Variants in FKBP5 observed in about 807,000 individuals in gnomAD.
The protein encoded by FKBP5 is FKBP prolyl isomerase 5.
Under a neutral mutation model 50.5 loss-of-function variants are expected in FKBP5, and 23 were observed. The ratio of observed to expected loss-of-function variants is 0.46; its 90% CI spans 0.33 to 0.65. The LOEUF (loss-of-function observed/expected upper bound fraction) is 0.65. Among genes scored for constraint, FKBP5 ranks in the 30% least tolerant of loss-of-function variants. The probability of loss-of-function intolerance (pLI) is 0.02; values close to 1 mark genes in which losing one functional copy is unlikely to be tolerated. For synonymous variants in FKBP5, 176 were observed against 190.6 expected, an observed-to-expected ratio of 0.92 and a Z score of 0.63; for missense variants, 411 against 553.1, an observed-to-expected ratio of 0.74 and a Z score of 2.58.
At chr6:35,583,271 G>A in intron 8 of FKBP5, 7 of 985,286 alleles carry the variant, frequency 7.1e-6, no homozygotes, top group Non-Finnish European at 8.4e-6. Context: ...TAACTTTTCT[G>A]ATTATCTCCT....
intron 8 of FKBP5, 70 bp downstream of exon 8, chr6:35,586,964 T>C: frequency 6.2e-7 from 1 of 1,610,426 alleles, no homozygotes; most frequent in Non-Finnish European, 8.5e-7. Flanking sequence ...GAGTAGGGAA[T>C]ATCAGCACAA....
intron 1 of FKBP5, among the ~76,000 whole-genome samples, chr6:35,677,511 T>TTA (rs1765560318): frequency 6.6e-6 from 1 of 152,152 alleles, no homozygotes; most frequent in Admixed American, 6.5e-5. Flanking sequence ...TGAAAATGTG[T>TTA]TATATATACT....
At chr6:35,696,427 G>T (rs896241612) in intron 2 of FKBP5, among the ~76,000 whole-genome samples, 1 of 150,988 alleles carries the variant, frequency 6.6e-6, no homozygotes, top group Non-Finnish European at 1.5e-5. Context: ...TGGGAGGATT[G>T]CTTGAGACCA....
At chr6:35,688,932 CG>C (rs1205746099), upstream of FKBP5, 1 of 151,844 alleles carries the variant, frequency 6.6e-6, no homozygotes, top group East Asian at 1.9e-4. Context: ...GCCCGCGAGC[CG>C]GCCCGAATCC....
chr6:35,727,712 C>G (rs1228077003), intron 1 of FKBP5, among the ~76,000 whole-genome samples: 1 of 152,210 alleles, frequency 6.6e-6, no homozygotes, highest in Non-Finnish European at 1.5e-5. Context: ...CTGGGGCTGG[C>G]GAGCTCCAGC....
chr6:35,585,788 T>C (rs1232123445), intron 8 of FKBP5: 1 of 985,368 alleles, frequency 1.0e-6, no homozygotes, highest in African/African-American at 1.7e-5. Flanking sequence ...CATATTGCAA[T>C]ACACTTCCAC....
At chr6:35,576,081 G>A (rs1762202716) in intron 10 of FKBP5, 139 bp from the exon 11 acceptor site, 1 of 684,652 alleles carries the variant, frequency 1.5e-6, no homozygotes, top group African/African-American at 1.8e-5. Flanking sequence ...GGTAGGTCAG[G>A]GCTGTGCTAC....
At position 35,577,142 on chromosome 6, in the gene FKBP5, T is replaced by G. The variant is rs760776253; in HGVS notation, c.1118A>C (p.Asp373Ala). The G allele has an allele frequency of 6.2e-7, 1 of 1,614,092 alleles. No individual in the cohort carries two copies. Among genetic ancestry groups the G allele is most frequent in the African/African-American group, 1.3e-5 (1 of 74,942 alleles). Reference sequence around the variant, plus strand: ...GTTTACTTCCAGCACTTTCTCAAAGTCACCCTTGGCTGACTCAAACTCGTT... The same window carrying G: ...GTTTACTTCCAGCACTTTCTCAAAGGCACCCTTGGCTGACTCAAACTCGTT... ...LMNEFESAKG[D>A]FEKVLEVNPQ... is the part of the protein sequence containing the mutation. The change falls in exon 10 of 11, where the codon GAC becomes GCC. Residue 373 changes from aspartate to alanine, a missense_variant. Physicochemically the swap from Asp to Ala is moderately radical, Grantham distance 126. Coordinates refer to ENST00000357266, the MANE Select transcript of FKBP5 (RefSeq NM_004117.4).
intron 5 of FKBP5, among the ~76,000 whole-genome samples, chr6:35,614,185 C>T (rs1056958712): frequency 2.6e-5 from 4 of 152,018 alleles, no homozygotes; most frequent in South Asian, 2.1e-4. Context: ...TGAGCCACCA[C>T]GACTGGCTCC....
chr6:35,604,755 G>T (rs1234082232), intron 5 of FKBP5, among the ~76,000 whole-genome samples: 2 of 151,864 alleles, frequency 1.3e-5, no homozygotes, highest in African/African-American at 4.8e-5. Context: ...TCACTGATAT[G>T]AGTGGTTTTA....
intron 1 of FKBP5, among the ~76,000 whole-genome samples, chr6:35,675,173 T>A (rs781398003): frequency 2.0e-5 from 3 of 152,262 alleles, no homozygotes; most frequent in African/African-American, 4.8e-5. Flanking sequence ...TTGAGGAAAC[T>A]GAGACTTACA....
At chr6:35,621,929 A>G (rs1763857713) in intron 3 of FKBP5, among the ~76,000 whole-genome samples, 1 of 152,128 alleles carries the variant, frequency 6.6e-6, no homozygotes, top group African/African-American at 2.4e-5. Context: ...CAGTGAGCTG[A>G]GATCATGCCA....
intron 1 of FKBP5, among the ~76,000 whole-genome samples, chr6:35,645,853 G>A (rs1334885856): frequency 2.0e-5 from 3 of 152,170 alleles, no homozygotes; most frequent in Non-Finnish European, 4.4e-5. Flanking sequence ...AGTGGCTTAC[G>A]CCTGTAATCT....
chr6:35,602,465 G>A (rs1239167747), intron 5 of FKBP5, among the ~76,000 whole-genome samples: 1 of 151,916 alleles, frequency 6.6e-6, no homozygotes, highest in Non-Finnish European at 1.5e-5. Flanking sequence ...CTGGTTATCT[G>A]GCCAGAGAAA....
Position 35,580,225 on chromosome 6 carries a change from G to A in FKBP5, c.841-4C>T, listed in dbSNP as rs776736862. ...CCGCCTGCATGTATTTGCCTCCCTA[G>A]GATAAAAAAGCGTCATTACTTGTAC... On this transcript the variant is annotated splice_polypyrimidine_tract_variant and splice_region_variant and intron_variant, in intron 8 of 10. Coordinates refer to ENST00000357266, the MANE Select transcript of FKBP5 (RefSeq NM_004117.4). 8.1e-6 allele frequency: 13 copies of A among 1,605,258 alleles called. 1 individual carries two copies. The South Asian group carries it at 1.3e-4, about 16-fold the overall frequency.
chr6:35,596,772 C>G (rs1200828966), intron 6 of FKBP5, among the ~76,000 whole-genome samples: 11 of 152,176 alleles, frequency 7.2e-5, no homozygotes, highest in Non-Finnish European at 1.6e-4. Flanking sequence ...TGAGTCATCT[C>G]TGTTGCCTTT....
rs74925721 is a variant in FKBP5 at position 35,673,233 on chromosome 6, T to A, written c.-20+15571A>T. Among the ~76,000 whole-genome samples, 103 of 152,264 alleles carry A rather than the reference T, an allele frequency of 6.8e-4. 1 individual carries two copies. The highest frequency in any genetic ancestry group is 4.4e-5 in the Non-Finnish European group (3 of 68,010). ...CTTGAATACATAACATACCATTATG[T>A]GTTGTGTGTGGCATATATTAAAATC... On this transcript the variant is annotated intron_variant, in intron 1 of 10. Transcript: ENST00000357266.
At chr6:35,633,283 C>CT (rs1012978286) in intron 3 of FKBP5, among the ~76,000 whole-genome samples, 23 of 152,126 alleles carry the variant, frequency 1.5e-4, no homozygotes, top group Admixed American at 7.2e-4. Flanking sequence ...TGGCTCATGC[C>CT]TGTAATCCCA....
intron 2 of FKBP5, among the ~76,000 whole-genome samples, chr6:35,720,113 T>G (rs1561909573): frequency 6.6e-6 from 1 of 152,212 alleles, no homozygotes; most frequent in Non-Finnish European, 1.5e-5. Context: ...CTGTGCTCCG[T>G]GCACCCCCAC....
Sources: allele counts gnomAD v4.1 joint callset (sites outside exome capture counted in the v4.1 genomes callset), GRCh38; gene constraint gnomAD v4.1.1; transcripts MANE v1.5; gene names NCBI Gene and HGNC (gene_info 2026-07-23, HGNC 2026-07-21).